Variants in CATIP observed in about 807,000 individuals in gnomAD.
CATIP encodes the protein ciliogenesis associated TTC17 interacting protein.
In CATIP, 40 loss-of-function variants were observed where a neutral mutation model predicts 42.5. The observed-to-expected ratio is 0.94, with a 90% confidence interval of 0.73 to 1.22. CATIP has a LOEUF of 1.22. CATIP is among the 50% of genes most tolerant of loss of function. CATIP has a pLI of 0.00. For missense variants in CATIP, 489 were observed against 496.0 expected (o/e 0.99, Z 0.13); for synonymous variants, 222 against 200.2 (o/e 1.11, Z -0.92).
intron 4 of CATIP, 87 bp downstream of exon 4, chr2:218,358,179 A>C: frequency 9.4e-7 from 1 of 1,062,342 alleles, no homozygotes; most frequent in Non-Finnish European, 1.4e-6. Context: ...ACAAACCAAA[A>C]AACCTATTAC....
At chr2:218,357,496 C>A in intron 2 of CATIP, 38 bp from the exon 3 acceptor site, 1 of 1,564,318 alleles carries the variant, frequency 6.4e-7, no homozygotes, top group Non-Finnish European at 8.8e-7. Context: ...GGCCCAGGAG[C>A]AGGGGCTTTA....
Position 218,359,747 on chromosome 2 carries a change from G to A in CATIP, c.376-826G>A, listed in dbSNP as rs1244952134. Among the ~76,000 whole-genome samples, 5 of 152,126 alleles carry A rather than the reference G, an allele frequency of 3.3e-5. No individual in the cohort carries two copies. The East Asian group carries it at 7.7e-4, about 23-fold the overall frequency. On this transcript the variant is annotated intron_variant, in intron 4 of 9. Coordinates refer to ENST00000289388, the MANE Select transcript of CATIP (RefSeq NM_198559.2). ...TGAACTTTATATTGCATCATAACACGACTGCTATTCTTCAGCTTCACTGTG... is the reference window on the plus strand; with the variant it reads ...TGAACTTTATATTGCATCATAACACAACTGCTATTCTTCAGCTTCACTGTG...
intron 5 of CATIP, among the ~76,000 whole-genome samples, chr2:218,361,297 C>A (rs1177006258): frequency 6.6e-6 from 1 of 151,756 alleles, no homozygotes; most frequent in Non-Finnish European, 1.5e-5. Flanking sequence ...CGGCGTGAAC[C>A]CGGGAAGTGG....
At chr2:218,365,308 G>A (rs1244398593) in intron 7 of CATIP, among the ~76,000 whole-genome samples, 1 of 152,082 alleles carries the variant, frequency 6.6e-6, no homozygotes, top group Non-Finnish European at 1.5e-5. Flanking sequence ...CAGCTACTCT[G>A]GAGGCTGAGG....
chr2:218,360,699 T>C, intron 5 of CATIP, 40 bp downstream of exon 5: 1 of 1,463,230 alleles, frequency 6.8e-7, no homozygotes, highest in South Asian at 1.1e-5. Context: ...CTACACACTG[T>C]GAACCCAGAA....
In CATIP at chr2:218,357,680, CA is replaced by C. The variant is rs1249932537; in HGVS notation, c.266del (p.His89LeufsTer47). On this transcript the variant is annotated frameshift_variant, in exon 3 of 10. Transcript: ENST00000289388. LOFTEE classifies it high-confidence loss of function. ...CATGCTGACATACTGCCTCTTCGTG[CA>C]TGCCTCTAGCCGAGGCTTCTTGGAC... The part of the protein sequence containing the change: ...LGMLTYCLFV[H>X]ASSRGFLDKM... 6.2e-7 allele frequency: 1 copy of C among 1,614,082 alleles called. No homozygotes were observed. Among genetic ancestry groups the C allele is most frequent in the Non-Finnish European group, 8.5e-7 (1 of 1,180,010 alleles).
chr2:218,367,854 G>C lies in CATIP; in HGVS notation c.1054G>C (p.Gly352Arg), dbSNP rs756758937. 1 of 1,613,114 alleles carries C rather than the reference G, an allele frequency of 6.2e-7. No homozygotes were observed. The highest frequency in any genetic ancestry group is 8.5e-7 in the Non-Finnish European group (1 of 1,179,872). The part of the protein sequence containing the change: ...DVVTFAAEFF[G>R]PFDPWRPSSP... ...GGTCACCTTCGCCGCCGAGTTCTTCGGCCCCTTCGACCCGTGGCGTCCGTC... is the reference window on the plus strand; with the variant it reads ...GGTCACCTTCGCCGCCGAGTTCTTCCGCCCCTTCGACCCGTGGCGTCCGTC... Residue 352 changes from glycine (G) to arginine (R), a missense_variant, in exon 10 of 10, where the codon GGC becomes CGC. Transcript: ENST00000289388.
intron 6 of CATIP, among the ~76,000 whole-genome samples, chr2:218,363,410 C>T (rs1330313648): frequency 2.7e-5 from 4 of 148,370 alleles, no homozygotes; most frequent in Non-Finnish European, 5.9e-5. Flanking sequence ...GGCGTGAACC[C>T]GGGAGGCAGA....
Position 218,358,390 on chromosome 2 carries a change from C to A in CATIP, c.375+298C>A, listed in dbSNP as rs567513098. ...TTCGAGACCAGCCTGGCCAACATAG[C>A]GAAACCTCATCTGTACAAAAATTAG... is the stretch of plus-strand genomic sequence containing the variant. On this transcript the variant is annotated intron_variant, in intron 4 of 9. Coordinates refer to ENST00000289388, the MANE Select transcript of CATIP (RefSeq NM_198559.2). 1.5e-4 allele frequency among the ~76,000 whole-genome samples: 23 copies of A among 151,746 alleles called. 1 individual carries two copies. The East Asian group carries it at 4.5e-3, about 30-fold the overall frequency.
Position 218,357,182 on chromosome 2 carries a change from C to T in CATIP, c.113C>T (p.Ser38Phe), listed in dbSNP as rs763884826. Residue 38 changes from serine to phenylalanine, a missense_variant, in exon 2 of 10, where the codon TCC becomes TTC. Ser to Phe is a radical substitution (Grantham distance 155). Coordinates refer to ENST00000289388, the MANE Select transcript of CATIP (RefSeq NM_198559.2). ...GCTGAAGCCATCGACTTCCTCAGCT[C>T]CCTCCGTGAGCTCAGACAGTGTCGG... ...ANAEAIDFLS[S>F]LHKEELQMLF... 2 of 1,612,678 alleles carry T rather than the reference C, an allele frequency of 1.2e-6. No homozygotes were observed. The highest frequency in any genetic ancestry group is 8.5e-7 in the Non-Finnish European group (1 of 1,179,292).
At position 218,366,624 on chromosome 2, in the gene CATIP, G is replaced by C. The variant is rs553830517; in HGVS notation, c.756-400G>C. On this transcript the variant is annotated intron_variant, in intron 7 of 9. Transcript: ENST00000289388. ...TCTCTCAAGGGGCACTGTCATGTAG[G>C]AGTCTGCTTAGGCTGCCATAACAAA... is the stretch of plus-strand genomic sequence containing the variant. 1.6e-3 allele frequency: 464 copies of C among 297,240 alleles called. 6 individuals are homozygous for C. Among genetic ancestry groups the C allele is most frequent in the South Asian group, 0.012 (434 of 35,626 alleles). 18.4% of individuals were successfully genotyped at this position (297,240 alleles called of 1,614,324 possible).
chr2:218,367,168 G>T, intron 8 of CATIP, 68 bp downstream of exon 8: 2 of 1,222,598 alleles, frequency 1.6e-6, no homozygotes, highest in South Asian at 2.6e-5. Context: ...GGGCCTTCCA[G>T]GATGCAGGGG....
In CATIP at chr2:218,367,855, G is replaced by A. The variant is rs746373171; in HGVS notation, c.1055G>A (p.Gly352Asp). Residue 352 changes from glycine to aspartate, a missense_variant, in exon 10 of 10, where the codon GGC becomes GAC. Gly to Asp is a moderately conservative substitution (Grantham distance 94). Coordinates refer to ENST00000289388, the MANE Select transcript of CATIP (RefSeq NM_198559.2). ...DVVTFAAEFF[G>D]PFDPWRPSSP... ...GTCACCTTCGCCGCCGAGTTCTTCG[G>A]CCCCTTCGACCCGTGGCGTCCGTCG... 3.1e-6 allele frequency: 5 copies of A among 1,612,960 alleles called. No individual in the cohort carries two copies. In the Admixed American group the frequency reaches 6.7e-5, roughly 22 times the overall value.
intron 7 of CATIP, chr2:218,366,699 G>T: frequency 5.7e-6 from 2 of 352,606 alleles, no homozygotes; most frequent in South Asian, 2.3e-5. Flanking sequence ...TGGAAGGCAG[G>T]AAGTCCAAGA....
At chr2:218,357,260 T>TCTCTCTCTCC in intron 2 of CATIP, 73 bp downstream of exon 2, 1 of 386,630 alleles carries the variant, frequency 2.6e-6, no homozygotes, top group Non-Finnish European at 4.0e-6. Flanking sequence ...GAAAGTCCAG[T>TCTCTCTCTCC]CTCTCTCTCT....
chr2:218,363,120 G>A (rs971676500), intron 6 of CATIP, among the ~76,000 whole-genome samples: 4 of 152,156 alleles, frequency 2.6e-5, no homozygotes, highest in Non-Finnish European at 5.9e-5. Context: ...ACAGTTCAGA[G>A]AAGCAACCCT....
At chr2:218,359,677 C>A (rs1695165893) in intron 4 of CATIP, among the ~76,000 whole-genome samples, 1 of 152,090 alleles carries the variant, frequency 6.6e-6, no homozygotes, top group South Asian at 2.1e-4. Flanking sequence ...CTGCACCTGG[C>A]CCACCCCCAT....
chr2:218,364,206 C>T lies in CATIP; in HGVS notation c.631-422C>T, dbSNP rs774608804. 2.0e-4 allele frequency among the ~76,000 whole-genome samples: 30 copies of T among 152,208 alleles called. 1 individual carries two copies. The highest frequency in any genetic ancestry group is 3.2e-4 in the Non-Finnish European group (22 of 68,042). Reference sequence around the variant, plus strand: ...ACTTTTTTCTCCATAGCTGCAGCTACAACAGGGGTTTAAGTTTTAATCACA... The same window carrying T: ...ACTTTTTTCTCCATAGCTGCAGCTATAACAGGGGTTTAAGTTTTAATCACA... On this transcript the variant is annotated intron_variant, in intron 6 of 9. Coordinates refer to ENST00000289388, the MANE Select transcript of CATIP (RefSeq NM_198559.2).
chr2:218,357,828 T>TGGTC, intron 3 of CATIP, 94 bp downstream of exon 3: 1 of 1,401,524 alleles, frequency 7.1e-7, no homozygotes, highest in Non-Finnish European at 1.0e-6. Flanking sequence ...ACCAAGCCCT[T>TGGTC]GGCTTTGCCT....
Sources: allele counts gnomAD v4.1 joint callset (sites outside exome capture counted in the v4.1 genomes callset), GRCh38; gene constraint gnomAD v4.1.1; transcripts MANE v1.5; gene names NCBI Gene and HGNC (gene_info 2026-07-23, HGNC 2026-07-21).